Variants in MAF observed in about 807,000 individuals in gnomAD.
MAF encodes the protein transcription factor Maf.
MAF carries 10 observed loss-of-function variants against 22.0 expected under a neutral mutation model. That is an observed-to-expected ratio of 0.45 (90% confidence interval 0.28 to 0.77). MAF has a LOEUF of 0.77. Among genes scored for constraint, MAF ranks in the 30% least tolerant of loss-of-function variants. MAF has a pLI of 0.12. For synonymous variants in MAF, 337 were observed against 255.8 expected (o/e 1.32, Z -3.03); for missense variants, 544 against 548.4 (o/e 0.99, Z 0.08).
At chr16:79,569,562 G>C in the MAF span, among the ~76,000 whole-genome samples, 50 of 152,282 alleles carry the variant, frequency 3.3e-4, no homozygotes, top group Middle Eastern at 3.4e-3. Flanking sequence ...TCTACACTCA[G>C]ACTGCCTGAA....
At chr16:79,244,257 G>T in the MAF span, among the ~76,000 whole-genome samples, 1 of 151,986 alleles carries the variant, frequency 6.6e-6, no homozygotes, top group Non-Finnish European at 1.5e-5. Flanking sequence ...ATTCAAATAG[G>T]AACAGAGGGA....
chr16:79,253,434 C>T, the MAF span, among the ~76,000 whole-genome samples: 1 of 152,170 alleles, frequency 6.6e-6, no homozygotes, highest in African/African-American at 2.4e-5. Context: ...TCAACTCCTC[C>T]CCTAGGTTCC....
chr16:79,444,390 G>A, the MAF span, among the ~76,000 whole-genome samples: 5 of 152,124 alleles, frequency 3.3e-5, no homozygotes, highest in Admixed American at 6.5e-5. Flanking sequence ...AAAAATTAGC[G>A]TGGATTTTAT....
the MAF span, among the ~76,000 whole-genome samples, chr16:79,406,006 C>A: frequency 6.6e-6 from 1 of 152,186 alleles, no homozygotes. Context: ...GGCCAGAAGC[C>A]ACAGAGTAGC....
chr16:79,460,338 T>G, the MAF span, among the ~76,000 whole-genome samples: 52 of 152,256 alleles, frequency 3.4e-4, no homozygotes, highest in East Asian at 5.4e-3. Flanking sequence ...TGAAGGAAAC[T>G]AACGAAAAAT....
chr16:79,587,288 A>C (rs1912905543), intron 1 of MAF, among the ~76,000 whole-genome samples: 1 of 152,122 alleles, frequency 6.6e-6, no homozygotes, highest in South Asian at 2.1e-4. Flanking sequence ...CAAATATATA[A>C]TTTCTATGCA....
At chr16:79,512,612 A>G in the MAF span, among the ~76,000 whole-genome samples, 6 of 152,252 alleles carry the variant, frequency 3.9e-5, no homozygotes, top group African/African-American at 1.4e-4. Flanking sequence ...GGAGCTCATT[A>G]TGAATCCTAG....
chr16:79,588,053 G>C (rs998247445), intron 1 of MAF, among the ~76,000 whole-genome samples: 5 of 152,208 alleles, frequency 3.3e-5, no homozygotes, highest in Non-Finnish European at 7.3e-5. Flanking sequence ...TAAGCCACAT[G>C]TCTACGAGCA....
At chr16:79,322,916 C>T in the MAF span, among the ~76,000 whole-genome samples, 2 of 151,612 alleles carry the variant, frequency 1.3e-5, no homozygotes, top group South Asian at 2.1e-4. Context: ...TTTGGGAGGC[C>T]GAGGTGAACA....
chr16:79,252,188 G>A, the MAF span, among the ~76,000 whole-genome samples: 2 of 152,130 alleles, frequency 1.3e-5, no homozygotes, highest in African/African-American at 2.4e-5. Flanking sequence ...TTTGTGGGTC[G>A]TACGACCCAT....
At chr16:79,514,116 A>T in the MAF span, among the ~76,000 whole-genome samples, 1 of 152,252 alleles carries the variant, frequency 6.6e-6, no homozygotes, top group Non-Finnish European at 1.5e-5. Flanking sequence ...GATAAATCAC[A>T]GTCAAGCTTT....
chr16:79,516,535 T>C, the MAF span, among the ~76,000 whole-genome samples: 1 of 152,224 alleles, frequency 6.6e-6, no homozygotes, highest in Non-Finnish European at 1.5e-5. Context: ...TAGTAATAGA[T>C]GTAGTAATAA....
chr16:79,549,284 C>A, the MAF span, among the ~76,000 whole-genome samples: 1 of 152,070 alleles, frequency 6.6e-6, no homozygotes, highest in African/African-American at 2.4e-5. Context: ...GCAGAACAGC[C>A]CCATGAGGTC....
the MAF span, among the ~76,000 whole-genome samples, chr16:79,422,883 A>T: frequency 6.6e-6 from 1 of 152,194 alleles, no homozygotes; most frequent in Non-Finnish European, 1.5e-5. Context: ...CTCTGCTGTC[A>T]TGGAGAGACA....
At chr16:79,544,010 G>T in the MAF span, among the ~76,000 whole-genome samples, 1 of 152,088 alleles carries the variant, frequency 6.6e-6, no homozygotes, top group African/African-American at 2.4e-5. Context: ...TTGTACCAAG[G>T]TAGAGAGACA....
chr16:79,346,383 A>C, the MAF span, among the ~76,000 whole-genome samples: 2 of 152,232 alleles, frequency 1.3e-5, no homozygotes, highest in South Asian at 4.2e-4. Flanking sequence ...TTCTCACCTC[A>C]ATTTGTTCTA....
At chr16:79,308,864 G>T in the MAF span, among the ~76,000 whole-genome samples, 1 of 152,144 alleles carries the variant, frequency 6.6e-6, no homozygotes, top group Admixed American at 6.5e-5. Context: ...CTTTCCTAAC[G>T]CCCAGAAATG....
At position 79,600,121 on chromosome 16, in the gene MAF, C is replaced by A. The variant is rs947598565; in HGVS notation, c.-219G>T. 7.2e-6 allele frequency: 4 copies of A among 555,872 alleles called. No homozygotes were observed. In the African/African-American group the frequency reaches 8.1e-5, roughly 11 times the overall value. 34.4% of individuals were successfully genotyped at this position (555,872 alleles called of 1,614,324 possible). ...CCGCGCCCGCCCTCCCTCCCCCCTG[C>A]TCACGCCAATGTGCTCCCTCGCTCG... On this transcript the variant is annotated 5_prime_UTR_variant, in exon 1 of 2. Transcript: ENST00000326043.
chr16:79,211,936 GAAAA>G, the MAF span: 4 of 1,538,028 alleles, frequency 2.6e-6, no homozygotes, highest in Admixed American at 2.0e-5. Context: ...ACAACAGAGT[GAAAA>G]ATCTTAAGTA....
Sources: allele counts gnomAD v4.1 joint callset (sites outside exome capture counted in the v4.1 genomes callset), GRCh38; gene constraint gnomAD v4.1.1; transcripts MANE v1.5; gene names NCBI Gene and HGNC (gene_info 2026-07-23, HGNC 2026-07-21).